The following JMJD1C variants were observed in gnomAD, a reference collection of about 807,000 sequenced individuals.
JMJD1C encodes the protein jumonji domain containing 1C, also known as jumonji domain-containing protein 1C.
A neutral mutation model predicts 245.3 loss-of-function variants in JMJD1C; 31 were observed. The ratio of observed to expected loss-of-function variants is 0.13; its 90% CI spans 0.09 to 0.17. JMJD1C has a LOEUF of 0.17. Ranked by LOEUF, JMJD1C falls within the 10% of genes least tolerant of loss-of-function variation. The pLI is 1.00. For synonymous variants in JMJD1C, 1,057 were observed against 1,017.4 expected (o/e 1.04, Z -0.74); for missense variants, 2,691 against 3,000.2 (o/e 0.90, Z 2.41).
At chr10:63,176,237 T>TA in intron 24 of JMJD1C, 60 bp downstream of exon 24, 1 of 1,322,284 alleles carries the variant, frequency 7.6e-7, no homozygotes, top group African/African-American at 1.5e-5. Context: ...GAGCAATTTT[T>TA]TTTTCAAAAC....
intron 1 of JMJD1C, among the ~76,000 whole-genome samples, chr10:63,508,964 G>A (rs1954798327): frequency 6.6e-6 from 1 of 152,112 alleles, no homozygotes; most frequent in Admixed American, 6.5e-5. Flanking sequence ...ACAGAATGAT[G>A]CTGAAAAGCA....
intron 2 of JMJD1C, among the ~76,000 whole-genome samples, chr10:63,291,017 A>G (rs1858610988): frequency 6.6e-6 from 1 of 152,176 alleles, no homozygotes; most frequent in Non-Finnish European, 1.5e-5. Context: ...TTTAAGAAAC[A>G]GGGCTTGGGC....
At chr10:63,484,240 A>ATGGATGGATGGATGGATG (rs1564963367) in intron 1 of JMJD1C, among the ~76,000 whole-genome samples, 6 of 12,020 alleles carry the variant, frequency 5.0e-4, no homozygotes, top group African/African-American at 9.6e-4. Flanking sequence ...ATGGATGGAT[A>ATGGATGGATGGATGGATG]GATAGATAGA....
intron 2 of JMJD1C, among the ~76,000 whole-genome samples, chr10:63,355,764 G>T (rs1944787020): frequency 6.6e-6 from 1 of 151,908 alleles, no homozygotes; most frequent in African/African-American, 2.4e-5. Flanking sequence ...AAGGTAATGT[G>T]TGCTCATGTG....
At chr10:63,229,474 T>A (rs74138795) in intron 3 of JMJD1C, among the ~76,000 whole-genome samples, 1,540 of 152,268 alleles carry the variant, frequency 0.01, 26 homozygotes, top group African/African-American at 0.034. Flanking sequence ...CAACAATTTA[T>A]ACTATCCATG....
intron 1 of JMJD1C, among the ~76,000 whole-genome samples, chr10:63,451,153 C>T (rs143864741): frequency 4.6e-5 from 7 of 152,262 alleles, no homozygotes; most frequent in African/African-American, 1.7e-4. Context: ...AATGGAAAGA[C>T]ATCTGTGTTT....
intron 10 of JMJD1C, chr10:63,204,999 T>A: frequency 1.0e-6 from 1 of 985,326 alleles, no homozygotes; most frequent in Non-Finnish European, 1.2e-6. Context: ...ACGGACATAG[T>A]GAAACTAAGT....
chr10:63,382,923 A>G (rs964314598), intron 1 of JMJD1C: 1 of 453,804 alleles, frequency 2.2e-6, no homozygotes, highest in African/African-American at 2.0e-5. Context: ...TTCTACTGCA[A>G]TTACTTTTTT....
At chr10:63,184,239 ATTTT>A (rs34600901) in intron 21 of JMJD1C, among the ~76,000 whole-genome samples, 9 of 131,392 alleles carry the variant, frequency 6.8e-5, no homozygotes, top group South Asian at 2.5e-4. Flanking sequence ...TTGAACAGAA[ATTTT>A]TTTTTTTTTT....
intron 2 of JMJD1C, among the ~76,000 whole-genome samples, chr10:63,310,679 G>A (rs369760059): frequency 6.6e-6 from 1 of 152,102 alleles, no homozygotes; most frequent in African/African-American, 2.4e-5. Flanking sequence ...GTGGAAAAAT[G>A]AGCTGCTGGG....
intron 10 of JMJD1C, chr10:63,202,967 G>C: frequency 1.0e-6 from 1 of 984,200 alleles, no homozygotes; most frequent in Non-Finnish European, 1.2e-6. Flanking sequence ...TAATGGAACA[G>C]TTCAGAGTAT....
intron 1 of JMJD1C, among the ~76,000 whole-genome samples, chr10:63,442,817 T>C (rs1391721606): frequency 6.6e-6 from 1 of 152,182 alleles, no homozygotes; most frequent in Non-Finnish European, 1.5e-5. Flanking sequence ...ACAGCACTTA[T>C]TACTACATAA....
intron 25 of JMJD1C, 141 bp from the exon 26 acceptor site, chr10:63,168,275 G>A: frequency 1.0e-6 from 1 of 981,102 alleles, no homozygotes; most frequent in South Asian, 1.6e-5. Context: ...AAGCCAAAAG[G>A]GACACTATAA....
At chr10:63,513,396 C>T (rs1431691398) in intron 1 of JMJD1C, among the ~76,000 whole-genome samples, 3 of 152,126 alleles carry the variant, frequency 2.0e-5, no homozygotes, top group Admixed American at 6.6e-5. Context: ...GCACTGGCAC[C>T]TTGGGAAAGA....
intron 2 of JMJD1C, among the ~76,000 whole-genome samples, chr10:63,339,650 G>A (rs1943189862): frequency 6.6e-6 from 1 of 151,768 alleles, no homozygotes; most frequent in Admixed American, 6.6e-5. Flanking sequence ...TGTAGGCCAG[G>A]CGCAGTGGCT....
intron 20 of JMJD1C, among the ~76,000 whole-genome samples, chr10:63,185,170 A>C (rs1018429141): frequency 2.0e-5 from 3 of 152,142 alleles, no homozygotes; most frequent in African/African-American, 7.2e-5. Context: ...TCACTCTGTC[A>C]CCCAGGCTGG....
intron 2 of JMJD1C, among the ~76,000 whole-genome samples, chr10:63,349,100 C>CCAAAAA (rs1554897122): frequency 2.9e-5 from 1 of 34,872 alleles, no homozygotes; most frequent in African/African-American, 1.2e-4. Flanking sequence ...GACTCTGTCT[C>CCAAAAA]AAAAAAAAAA....
At chr10:63,438,437 G>T (rs147945790) in intron 1 of JMJD1C, among the ~76,000 whole-genome samples, 8 of 151,974 alleles carry the variant, frequency 5.3e-5, no homozygotes, top group Non-Finnish European at 8.8e-5. Flanking sequence ...CCTCCTAACC[G>T]CTCTCCCTGC....
In JMJD1C at chr10:63,427,706, T is replaced by G. The variant is rs75434929; in HGVS notation, c.168+37789A>C. On this transcript the variant is annotated intron_variant, in intron 1 of 25. Coordinates refer to ENST00000399262, the MANE Select transcript of JMJD1C (RefSeq NM_032776.3). ...GAAGCCTGGGTCTCCTCTAGCTTATTTGGTGTCTCCAGAAGTGTCCAGGAA... is the reference window on the plus strand; with the variant it reads ...GAAGCCTGGGTCTCCTCTAGCTTATGTGGTGTCTCCAGAAGTGTCCAGGAA... The G allele has an allele frequency of 3.8e-6, 5 of 1,322,480 alleles. No homozygotes were observed. In the Admixed American group the frequency reaches 6.8e-5, roughly 18 times the overall value. The allele number at this position is 1,322,480 out of a possible 1,614,324, so 81.9% of individuals were successfully genotyped here. A position where few individuals can be genotyped will look rare whatever the true frequency, so the allele number is the denominator to read the frequency against.
Sources: allele counts gnomAD v4.1 joint callset (sites outside exome capture counted in the v4.1 genomes callset), GRCh38; gene constraint gnomAD v4.1.1; transcripts MANE v1.5; gene names NCBI Gene and HGNC (gene_info 2026-07-23, HGNC 2026-07-21).